TMEM268: variants seen among roughly 807,000 people sequenced by gnomAD.
The protein encoded by TMEM268 is transmembrane protein 268.
Under a neutral mutation model 39.1 loss-of-function variants are expected in TMEM268, and 24 were observed. The ratio of observed to expected loss-of-function variants is 0.61; its 90% CI spans 0.44 to 0.86. The LOEUF (loss-of-function observed/expected upper bound fraction) is 0.86. Ranked by LOEUF, TMEM268 falls within the 40% of genes least tolerant of loss-of-function variation. TMEM268 has a pLI of 0.00. For missense variants in TMEM268, 409 were observed against 428.6 expected (o/e 0.95, Z 0.40); for synonymous variants, 176 against 173.5 (o/e 1.01, Z -0.12).
Position 114,633,404 on chromosome 9 carries a change from C to T in TMEM268, c.475-364C>T, listed in dbSNP as rs182421412. Among the ~76,000 whole-genome samples, 126 of 152,236 alleles carry T rather than the reference C, an allele frequency of 8.3e-4. 2 individuals carry two copies. Among genetic ancestry groups the T allele is most frequent in the Admixed American group, 2.0e-3 (31 of 15,282 alleles). On this transcript the variant is annotated intron_variant, in intron 5 of 8. Coordinates refer to ENST00000288502, the MANE Select transcript of TMEM268 (RefSeq NM_153045.4). The stretch of plus-strand genomic sequence containing the variant: ...CTCGAACTCCTGACCTTGTGATCCA[C>T]CTGCCTCGGCCTCCCAAAGTGCTGG...
Position 114,624,445 on chromosome 9 carries a change from A to G in TMEM268, c.202A>G (p.Thr68Ala), listed in dbSNP as rs1264139085. 1.9e-6 allele frequency: 3 copies of G among 1,579,034 alleles called. No individual in the cohort carries two copies. Among genetic ancestry groups the G allele is most frequent in the Admixed American group, 1.8e-5 (1 of 55,250 alleles). ...GGGAGCCGCAGAAGAGCAACTGCAA[A>G]CTTGGGGCATCCAGGTGAGTGCTGA... Reference protein sequence around the residue: ...DLGAAEEQLQTWGIQVPADQY... With the variant: ...DLGAAEEQLQAWGIQVPADQY... The change falls in exon 3 of 9, where the codon ACT becomes GCT. Residue 68 changes from threonine (T) to alanine (A), a missense_variant. By Grantham distance (58) the Thr-to-Ala change is moderately conservative. Coordinates refer to ENST00000288502, the MANE Select transcript of TMEM268 (RefSeq NM_153045.4).
chr9:114,630,552 G>A (rs561092053), intron 5 of TMEM268, among the ~76,000 whole-genome samples: 67 of 152,286 alleles, frequency 4.4e-4, no homozygotes, highest in Non-Finnish European at 7.2e-4. Context: ...GGATACCGCC[G>A]CCATTTGCTA....
the TMEM268 span, among the ~76,000 whole-genome samples, chr9:114,605,746 C>A: frequency 6.6e-6 from 1 of 151,860 alleles, no homozygotes; most frequent in Non-Finnish European, 1.5e-5. Flanking sequence ...CAGGGGGAAA[C>A]CCTGTCTCTA....
At chr9:114,621,569 T>C (rs1424739088) in intron 2 of TMEM268, among the ~76,000 whole-genome samples, 3 of 152,170 alleles carry the variant, frequency 2.0e-5, no homozygotes, top group Non-Finnish European at 4.4e-5. Context: ...TGGGCGAGTA[T>C]TAAGGAGAAG....
chr9:114,605,718 C>T, the TMEM268 span, among the ~76,000 whole-genome samples: 2 of 151,896 alleles, frequency 1.3e-5, no homozygotes, highest in African/African-American at 4.8e-5. Flanking sequence ...CTTAGGTGAT[C>T]GATGCCAGAC....
At position 114,645,644 on chromosome 9, in the gene TMEM268, G is replaced by T. The variant is rs41278675; in HGVS notation, c.*2331G>T. On this transcript the variant is annotated 3_prime_UTR_variant, in exon 9 of 9. Coordinates refer to ENST00000288502, the MANE Select transcript of TMEM268 (RefSeq NM_153045.4). ...ATTTCTCAGTCAGTCCTAGAACCCC[G>T]GTAAGTAATTAACAGAGAATAAAAA... 0.038 allele frequency: 5,718 copies of T among 152,398 alleles called. 161 individuals carry two copies. Among genetic ancestry groups the T allele is most frequent in the South Asian group, 0.11 (551 of 4,822 alleles). 9.4% of individuals were successfully genotyped at this position (152,398 alleles called of 1,614,324 possible). A position where few individuals can be genotyped will look rare whatever the true frequency, so the allele number is the denominator to read the frequency against.
At chr9:114,614,597 C>G (rs1156558356) in intron 1 of TMEM268, among the ~76,000 whole-genome samples, 1 of 152,224 alleles carries the variant, frequency 6.6e-6, no homozygotes, top group Non-Finnish European at 1.5e-5. Context: ...GCCATCAGCC[C>G]TTGGGCCAGC....
At chr9:114,619,151 C>T (rs893461688) in intron 2 of TMEM268, among the ~76,000 whole-genome samples, 4 of 152,162 alleles carry the variant, frequency 2.6e-5, no homozygotes, top group African/African-American at 9.7e-5. Context: ...GCAGTGTGTA[C>T]ACACACACAA....
chr9:114,621,192 A>G (rs1845931790), intron 2 of TMEM268, among the ~76,000 whole-genome samples: 1 of 151,978 alleles, frequency 6.6e-6, no homozygotes, highest in African/African-American at 2.4e-5. Context: ...AATTAAAAAA[A>G]AAATTAGCTG....
At chr9:114,637,140 AGGG>A in intron 7 of TMEM268, 70 bp downstream of exon 7, 1 of 1,028,044 alleles carries the variant, frequency 9.7e-7, no homozygotes, top group East Asian at 2.4e-5. Context: ...CATTATCTTA[AGGG>A]TGGGAAAATG....
At chr9:114,606,921 T>C (rs1845373992), upstream of TMEM268, among the ~76,000 whole-genome samples, 5 of 152,214 alleles carry the variant, frequency 3.3e-5, no homozygotes, top group Admixed American at 3.3e-4. Context: ...CTTTGCCTTT[T>C]CACTTACTCA....
upstream of TMEM268, among the ~76,000 whole-genome samples, chr9:114,606,463 G>A (rs1845367203): frequency 6.6e-6 from 1 of 152,200 alleles, no homozygotes. Context: ...ACTTCCGGGA[G>A]CTGAAATCAA....
intron 5 of TMEM268, among the ~76,000 whole-genome samples, chr9:114,630,185 A>G (rs1846332260): frequency 6.6e-6 from 1 of 152,182 alleles, no homozygotes. Flanking sequence ...GTACCAGGAC[A>G]TACCTTGTCA....
chr9:114,624,369 C>T lies in TMEM268; in HGVS notation c.126C>T (p.Val42=), dbSNP rs1846071194. 1 of 1,602,890 alleles carries T rather than the reference C, an allele frequency of 6.2e-7. No homozygotes were observed. Residue 42 remains valine, a synonymous_variant, in exon 3 of 9, where the codon GTC becomes GTT. Coordinates refer to ENST00000288502, the MANE Select transcript of TMEM268 (RefSeq NM_153045.4). ...GWGQELHNGQ[V]LTVLRIDNTC... ...TTCCAGAGCTCCACAATGGCCAGGTCCTCACTGTTCTCCGGATTGACAATA... is the reference window on the plus strand; with the variant it reads ...TTCCAGAGCTCCACAATGGCCAGGTTCTCACTGTTCTCCGGATTGACAATA...
At position 114,617,677 on chromosome 9, in the gene TMEM268, C is replaced by T. The variant is rs144652461; in HGVS notation, c.106+376C>T. Among the ~76,000 whole-genome samples, 423 of 152,156 alleles carry T rather than the reference C, an allele frequency of 2.8e-3. 4 individuals are homozygous for T. The highest frequency in any genetic ancestry group is 1.0e-2 in the African/African-American group (414 of 41,508). ...CCTGGAACTCCTGGGCTCAAGTAAT[C>T]CTCCCACCTCAGCCCCCTGAACAGC... On this transcript the variant is annotated intron_variant, in intron 2 of 8. Coordinates refer to ENST00000288502, the MANE Select transcript of TMEM268 (RefSeq NM_153045.4).
rs1242406038 is a variant in TMEM268 at position 114,638,688 on chromosome 9, A to G, written c.811A>G (p.Thr271Ala). Residue 271 changes from threonine (T) to alanine (A), a missense_variant, in exon 8 of 9, where the codon ACT (threonine) becomes GCT (alanine). Thr to Ala is a moderately conservative substitution (Grantham distance 58). Coordinates refer to ENST00000288502, the MANE Select transcript of TMEM268 (RefSeq NM_153045.4). ...TCCTAACGAGAGGCCACTCATGCAG[A>G]CTGAGCTTCATCAGCTTGTTCCTGA... is the stretch of plus-strand genomic sequence containing the variant. ...SCPNERPLMQ[T>A]ELHQLVPEAE... 6.2e-7 allele frequency: 1 copy of G among 1,601,432 alleles called. No homozygotes were observed. Among genetic ancestry groups the G allele is most frequent in the Non-Finnish European group, 8.5e-7 (1 of 1,174,356 alleles).
upstream of TMEM268, among the ~76,000 whole-genome samples, chr9:114,606,869 A>G (rs1845373174): frequency 6.6e-6 from 1 of 152,100 alleles, no homozygotes; most frequent in Non-Finnish European, 1.5e-5. Context: ...AGAAAAAAAA[A>G]AAAACCAAAA....
chr9:114,634,732 G>A (rs10982347), intron 6 of TMEM268, among the ~76,000 whole-genome samples: 31,866 of 151,968 alleles, frequency 0.21, 3,559 homozygotes, highest in African/African-American at 0.29. Context: ...GTTCCTCCAC[G>A]AATGTTTATT....
intron 8 of TMEM268, among the ~76,000 whole-genome samples, chr9:114,641,421 T>C (rs1392710503): frequency 1.3e-5 from 2 of 152,220 alleles, no homozygotes; most frequent in Non-Finnish European, 2.9e-5. Context: ...ACACAAGTAT[T>C]GCAAAAGAGC....
Sources: allele counts gnomAD v4.1 joint callset (sites outside exome capture counted in the v4.1 genomes callset), GRCh38; gene constraint gnomAD v4.1.1; transcripts MANE v1.5; gene names NCBI Gene and HGNC (gene_info 2026-07-23, HGNC 2026-07-21).